The following NEO1 variants were observed in gnomAD, a reference collection of about 807,000 sequenced individuals.
The protein encoded by NEO1 is neogenin.
NEO1 carries 63 observed loss-of-function variants against 159.7 expected under a neutral mutation model. The ratio of observed to expected loss-of-function variants is 0.39; its 90% CI spans 0.32 to 0.49. The LOEUF (loss-of-function observed/expected upper bound fraction) is 0.49, where lower values mean the gene tolerates loss of function less well. NEO1 is among the 20% of genes least tolerant of loss of function. The pLI, the probability that NEO1 is intolerant of heterozygous loss-of-function variation, is 0.85. For missense variants in NEO1, 1,615 were observed against 1,831.0 expected (o/e 0.88, Z 2.15); for synonymous variants, 633 against 662.0 (o/e 0.96, Z 0.67).
intron 7 of NEO1, among the ~76,000 whole-genome samples, chr15:73,198,736 G>C (rs1343449941): frequency 6.6e-6 from 1 of 151,734 alleles, no homozygotes; most frequent in East Asian, 1.9e-4. Context: ...TGTATCCTGG[G>C]AAAGTCCTTA....
intron 4 of NEO1, 56 bp from the exon 5 acceptor site, chr15:73,135,835 G>A (rs2031689764): frequency 1.4e-6 from 2 of 1,392,770 alleles, no homozygotes; most frequent in Non-Finnish European, 1.9e-6. Context: ...AGTTTTTCAG[G>A]TATTATTTTC....
intron 7 of NEO1, among the ~76,000 whole-genome samples, chr15:73,197,988 T>C (rs2036634224): frequency 6.6e-6 from 1 of 152,172 alleles, no homozygotes; most frequent in African/African-American, 2.4e-5. Context: ...TCCATGCTTT[T>C]ATAATAGCAT....
At chr15:73,221,312 C>A (rs1596381998) in intron 7 of NEO1, among the ~76,000 whole-genome samples, 1 of 152,142 alleles carries the variant, frequency 6.6e-6, no homozygotes, top group African/African-American at 2.4e-5. Flanking sequence ...AGTACCCGGC[C>A]GTGTGAAGTG....
chr15:73,155,737 C>A (rs1395662637), intron 5 of NEO1, among the ~76,000 whole-genome samples: 2 of 152,180 alleles, frequency 1.3e-5, no homozygotes, highest in African/African-American at 4.8e-5. Context: ...TCTGTTCAGG[C>A]TTGTCTATTG....
intron 7 of NEO1, among the ~76,000 whole-genome samples, chr15:73,230,223 C>G (rs946406130): frequency 1.3e-5 from 2 of 152,128 alleles, no homozygotes; most frequent in Non-Finnish European, 1.5e-5. Flanking sequence ...TTCAGTTTCT[C>G]TATTATAGGT....
chr15:73,196,427 A>G (rs1234253479), intron 7 of NEO1, among the ~76,000 whole-genome samples: 3 of 152,338 alleles, frequency 2.0e-5, no homozygotes, highest in Admixed American at 6.5e-5. Context: ...TTCCTATCAG[A>G]TTAGTACTTC....
intron 11 of NEO1, among the ~76,000 whole-genome samples, chr15:73,250,400 A>G (rs2150941640): frequency 6.6e-6 from 1 of 152,354 alleles, no homozygotes; most frequent in Non-Finnish European, 1.5e-5. Context: ...TCTTTTTAAA[A>G]AAACGTATTT....
At chr15:73,139,673 T>C (rs982262127) in intron 5 of NEO1, among the ~76,000 whole-genome samples, 1 of 152,220 alleles carries the variant, frequency 6.6e-6, no homozygotes, top group African/African-American at 2.4e-5. Context: ...TAAAAATAGT[T>C]TATATATTTT....
In NEO1 at chr15:73,169,561, C is replaced by T. The variant is rs150618692; in HGVS notation, c.1016-6842C>T. On this transcript the variant is annotated intron_variant, in intron 5 of 28. Coordinates refer to ENST00000261908, the MANE Select transcript of NEO1 (RefSeq NM_002499.4). ...AAAGGGAAACTAATGATTAATTGAA[C>T]ATTGCTTATGATGATTTTTTCTAAT... Among the ~76,000 whole-genome samples the T allele has an allele frequency of 2.4e-3, 364 of 150,162 alleles. 3 individuals are homozygous for T. Among genetic ancestry groups the T allele is most frequent in the African/African-American group, 7.6e-3 (312 of 41,010 alleles).
chr15:73,260,522 T>A (rs2040575090), intron 15 of NEO1, 57 bp downstream of exon 15: 3 of 1,368,238 alleles, frequency 2.2e-6, no homozygotes, highest in Non-Finnish European at 2.9e-6. Flanking sequence ...CTTTTTAACC[T>A]TTTATGTAAT....
chr15:73,079,866 G>A (rs561436074), intron 1 of NEO1, among the ~76,000 whole-genome samples: 1 of 152,286 alleles, frequency 6.6e-6, no homozygotes, highest in Admixed American at 6.5e-5. Flanking sequence ...TTGTATTAGA[G>A]GAAGGAATGA....
intron 5 of NEO1, among the ~76,000 whole-genome samples, chr15:73,160,012 T>C (rs2034057307): frequency 6.6e-6 from 1 of 152,214 alleles, no homozygotes; most frequent in Non-Finnish European, 1.5e-5. Flanking sequence ...GCACTGTCTA[T>C]ATCTTTTACT....
intron 4 of NEO1, among the ~76,000 whole-genome samples, chr15:73,127,265 GTTGTTT>G (rs1178442896): frequency 6.6e-6 from 1 of 150,578 alleles, no homozygotes; most frequent in Non-Finnish European, 1.5e-5. Flanking sequence ...TCCTCATCCT[GTTGTTT>G]TTGCCTTTTG....
chr15:73,158,439 C>G (rs2033941622), intron 5 of NEO1, among the ~76,000 whole-genome samples: 1 of 152,080 alleles, frequency 6.6e-6, no homozygotes, highest in East Asian at 1.9e-4. Context: ...CACTCTGTTG[C>G]CCAGACTGGA....
chr15:73,206,835 ATGTG>A (rs10537842), intron 7 of NEO1, among the ~76,000 whole-genome samples: 126,213 of 150,710 alleles, frequency 0.84, 54,124 homozygotes, highest in Non-Finnish European at 0.93. Flanking sequence ...GTGTGTGTGT[ATGTG>A]TGTGTGTGCG....
intron 1 of NEO1, among the ~76,000 whole-genome samples, chr15:73,086,561 CTT>C (rs56017937): frequency 1.8e-4 from 23 of 128,890 alleles, no homozygotes; most frequent in African/African-American, 4.0e-4. Flanking sequence ...TATAGTATGT[CTT>C]TTTTTTTTTT....
chr15:73,200,285 T>C (rs938319222), intron 7 of NEO1, among the ~76,000 whole-genome samples: 3 of 152,070 alleles, frequency 2.0e-5, no homozygotes, highest in African/African-American at 7.2e-5. Flanking sequence ...TTTGTGTCTT[T>C]TAAGAAATTG....
chr15:73,231,983 C>G (rs1257314288), intron 7 of NEO1, among the ~76,000 whole-genome samples: 3 of 152,136 alleles, frequency 2.0e-5, no homozygotes, highest in Non-Finnish European at 2.9e-5. Context: ...ATTTAAATAG[C>G]CACTTTGAAG....
chr15:73,184,666 G>A (rs1337435612), intron 7 of NEO1, among the ~76,000 whole-genome samples: 2 of 152,218 alleles, frequency 1.3e-5, no homozygotes, highest in African/African-American at 4.8e-5. Context: ...CGTGGCTTAC[G>A]CCTGTACTCC....
Sources: gnomAD v4.1 joint callset for allele counts (sites outside exome capture counted in the v4.1 genomes callset) on GRCh38, gnomAD v4.1.1 for gene constraint, MANE v1.5 for transcripts, NCBI Gene and HGNC (gene_info 2026-07-23, HGNC 2026-07-21) for gene names.